CEP192: variants seen among roughly 807,000 people sequenced by gnomAD.
CEP192 encodes centrosomal protein 192.
Under a neutral mutation model 271.8 loss-of-function variants are expected in CEP192, and 151 were observed. The observed-to-expected ratio is 0.56, with a 90% CI of 0.49 to 0.64. The LOEUF (loss-of-function observed/expected upper bound fraction) is 0.64, where lower values mean the gene tolerates loss of function less well. CEP192 is among the 30% of genes least tolerant of loss of function. The pLI is 0.00. For missense variants in CEP192, 2,910 were observed against 3,020.5 expected, an observed-to-expected ratio of 0.96 and a Z score of 0.86; for synonymous variants, 995 against 1,076.5, an observed-to-expected ratio of 0.92 and a Z score of 1.48.
Position 13,053,065 on chromosome 18 carries a change from C to T in CEP192, c.3164C>T (p.Thr1055Ile), listed in dbSNP as rs2036887370. ...EPESSYPTTA[T>I]DDALEDRKSD... ...GAGAGCTCCTATCCTACCACAGCCA[C>T]AGATGATGCCCTGGAGGACCGCAAG... The change falls in exon 18 of 45, where the codon ACA (threonine) becomes ATA (isoleucine). Residue 1055 changes from threonine (T) to isoleucine (I), a missense_variant. Coordinates refer to ENST00000506447, the MANE Select transcript of CEP192 (RefSeq NM_032142.4). 2 of 1,611,522 alleles carry T rather than the reference C, an allele frequency of 1.2e-6. No homozygotes were observed. Among genetic ancestry groups the T allele is most frequent in the Non-Finnish European group, 1.7e-6 (2 of 1,178,756 alleles).
chr18:13,012,268 A>C (rs2034405593), intron 4 of CEP192, among the ~76,000 whole-genome samples: 2 of 152,208 alleles, frequency 1.3e-5, no homozygotes, highest in Non-Finnish European at 2.9e-5. Context: ...TGTATACCTT[A>C]AAAGAGTGAA....
intron 40 of CEP192, among the ~76,000 whole-genome samples, chr18:13,110,078 A>T (rs1229593431): frequency 1.3e-5 from 2 of 152,218 alleles, no homozygotes; most frequent in Non-Finnish European, 2.9e-5. Flanking sequence ...CTGCAAAAAA[A>T]TTGCACCAAA....
Position 13,117,609 on chromosome 18 carries a change from CCATTCTATGT to C in CEP192, c.7444_7453del (p.Phe2482AsnfsTer7). On this transcript the variant is annotated frameshift_variant, in exon 44 of 45. Transcript: ENST00000506447. LOFTEE classifies it high-confidence loss of function. ...GCTGAAGTTTTTGAGTCCCAGAGAG[CCATTCTATGT>C]CAAACATTCCAAGTACTCTTTGAGG... 6.2e-7 allele frequency: 1 copy of C among 1,612,330 alleles called. No individual in the cohort carries two copies. Among genetic ancestry groups the C allele is most frequent in the Non-Finnish European group, 8.5e-7 (1 of 1,178,538 alleles).
chr18:13,048,966 A>G lies in CEP192; in HGVS notation c.2175A>G (p.Ala725=), dbSNP rs753225423. The G allele has an allele frequency of 6.2e-6, 10 of 1,614,106 alleles. No individual in the cohort carries two copies. In the South Asian group the frequency reaches 9.9e-5, roughly 16 times the overall value. The change falls in exon 16 of 45, where the codon GCA becomes GCG. Residue 725 remains alanine, a synonymous_variant. Coordinates refer to ENST00000506447, the MANE Select transcript of CEP192 (RefSeq NM_032142.4). The part of the protein sequence containing the change: ...ISTIASAIAE[A]SVNTDPSQLA... Reference sequence around the variant, plus strand: ...CCATTGCTTCAGCCATTGCAGAGGCATCAGTTAATACTGATCCTTCCCAAC... The same window carrying G: ...CCATTGCTTCAGCCATTGCAGAGGCGTCAGTTAATACTGATCCTTCCCAAC...
Position 13,056,409 on chromosome 18 carries a change from A to C in CEP192, c.3819A>C (p.Gly1273=). ...ATTTGGGAACACTCCCTTCAACTGG[A>C]AGCACCACCTTGCCTCAGTGCCATG... The part of the protein sequence containing the change: ...QRYLGTLPST[G]STTLPQCHAG... The change falls in exon 19 of 45, where the codon GGA becomes GGC. Residue 1273 remains glycine (G), a synonymous_variant. Coordinates refer to ENST00000506447, the MANE Select transcript of CEP192 (RefSeq NM_032142.4). The C allele has an allele frequency of 6.2e-7, 1 of 1,614,172 alleles. No individual in the cohort carries two copies. The highest frequency in any genetic ancestry group is 8.5e-7 in the Non-Finnish European group (1 of 1,180,014).
rs2038097766 is a variant in CEP192, at chr18:13,073,068, C to T, written c.5499C>T (p.His1833=). 2 of 1,613,616 alleles carry T rather than the reference C, an allele frequency of 1.2e-6. No individual in the cohort carries two copies. Among genetic ancestry groups the T allele is most frequent in the African/African-American group, 1.3e-5 (1 of 74,918 alleles). The part of the protein sequence containing the change: ...RLTSNCEIRI[H]PKEDIFISVL... ...CCAGTAACTGTGAGATCAGAATTCA[C>T]CCAAAGGAAGACATTTTCATCTCTG... is the stretch of plus-strand genomic sequence containing the variant. Residue 1833 remains histidine (H), a synonymous_variant, in exon 30 of 45, where the codon CAC becomes CAT. Coordinates refer to ENST00000506447, the MANE Select transcript of CEP192 (RefSeq NM_032142.4).
chr18:13,051,844 A>G (rs370605159), intron 17 of CEP192, among the ~76,000 whole-genome samples: 2 of 152,208 alleles, frequency 1.3e-5, no homozygotes, highest in South Asian at 4.1e-4. Context: ...CACCCAGCCA[A>G]TTTGGGACTT....
chr18:13,063,569 A>AT (rs367576448), intron 21 of CEP192, among the ~76,000 whole-genome samples: 22 of 152,110 alleles, frequency 1.4e-4, no homozygotes, highest in Admixed American at 6.5e-5. Context: ...GGATTATTAG[A>AT]TTTTTTCCCA....
At chr18:13,083,130 T>C (rs1209923515) in intron 30 of CEP192, among the ~76,000 whole-genome samples, 1 of 152,228 alleles carries the variant, frequency 6.6e-6, no homozygotes, top group Non-Finnish European at 1.5e-5. Context: ...AGTATCTTTG[T>C]GGTGTTCTCT....
intron 11 of CEP192, among the ~76,000 whole-genome samples, chr18:13,034,357 C>A (rs968996995): frequency 6.6e-6 from 1 of 151,596 alleles, no homozygotes; most frequent in Admixed American, 6.6e-5. Flanking sequence ...GAAATGGGAG[C>A]CTTTTTACTG....
In CEP192 at chr18:13,055,955, C is replaced by T; in HGVS notation, c.3365C>T (p.Ser1122Phe). 6.2e-7 allele frequency: 1 copy of T among 1,614,212 alleles called. No individual in the cohort carries two copies. The highest frequency in any genetic ancestry group is 8.5e-7 in the Non-Finnish European group (1 of 1,180,032). Residue 1122 changes from serine to phenylalanine, a missense_variant, in exon 19 of 45, where the codon TCT becomes TTT. Coordinates refer to ENST00000506447, the MANE Select transcript of CEP192 (RefSeq NM_032142.4). ...ACAAGAAAAGCAACTGAAACTACTT[C>T]TCTGAGTAGCAAGCCTGAATATGTA... ...SDTRKATETTSLSSKPEYVKP... is the reference protein window; with the variant it reads ...SDTRKATETTFLSSKPEYVKP...
Position 13,049,561 on chromosome 18 carries a change from T to A in CEP192, c.2770T>A (p.Cys924Ser). The A allele has an allele frequency of 6.2e-7, 1 of 1,614,000 alleles. No homozygotes were observed. The change falls in exon 16 of 45, where the codon TGT becomes AGT. Residue 924 changes from cysteine to serine, a missense_variant. Physicochemically the swap from Cys to Ser is moderately radical, Grantham distance 112. Coordinates refer to ENST00000506447, the MANE Select transcript of CEP192 (RefSeq NM_032142.4). ...AACATCCCTTTGTCTGTTAAAAGAC[T>A]GTGAAGAAATACGAGATAACAGAGA... ...RITSLCLLKD[C>S]EEIRDNRENQ...
chr18:13,068,747 C>G, intron 24 of CEP192, 105 bp from the exon 25 acceptor site: 1 of 1,201,474 alleles, frequency 8.3e-7, no homozygotes, highest in Non-Finnish European at 1.2e-6. Flanking sequence ...ATCTGCTTGC[C>G]TAAATTTTCT....
At chr18:13,018,669 T>G (rs1394552171) in intron 8 of CEP192, 54 bp downstream of exon 8, 8 of 1,218,620 alleles carry the variant, frequency 6.6e-6, no homozygotes, top group Non-Finnish European at 8.8e-6. Flanking sequence ...TGACTTTACT[T>G]TTTTTAAAAA....
In CEP192 at chr18:13,045,189, A is replaced by T. The variant is rs192240128; in HGVS notation, c.2067+2855A>T. Among the ~76,000 whole-genome samples the T allele has an allele frequency of 4.5e-3, 685 of 151,930 alleles. 6 individuals are homozygous for T. Among genetic ancestry groups the T allele is most frequent in the African/African-American group, 0.016 (661 of 41,442 alleles). On this transcript the variant is annotated intron_variant, in intron 15 of 44. Transcript: ENST00000506447. ...TTTTGTTAATTTGACAATTTTATTT[A>T]TTCTCAATTCTGTTTGTCTTTCTAT...
At position 13,098,242 on chromosome 18, in the gene CEP192, C is replaced by T. The variant is rs568013330; in HGVS notation, c.6558-1234C>T. Among the ~76,000 whole-genome samples the T allele has an allele frequency of 2.5e-3, 378 of 150,378 alleles. 2 individuals are homozygous for T. The highest frequency in any genetic ancestry group is 7.4e-3 in the South Asian group (35 of 4,718). ...GCGGCCGGGCAGAGGCACCCCTCAC[C>T]TCCCGGACGGGACGGCTGGCCAGGC... is the stretch of plus-strand genomic sequence containing the variant. On this transcript the variant is annotated intron_variant, in intron 36 of 44. Transcript: ENST00000506447.
chr18:13,005,570 A>G (rs2145841812), intron 3 of CEP192, among the ~76,000 whole-genome samples: 1 of 152,284 alleles, frequency 6.6e-6, no homozygotes, highest in African/African-American at 2.4e-5. Context: ...GTCCTTGTTG[A>G]TGGAAGACAG....
chr18:13,123,475 T>G (rs987522068), intron 44 of CEP192, among the ~76,000 whole-genome samples: 2 of 152,212 alleles, frequency 1.3e-5, no homozygotes, highest in African/African-American at 4.8e-5. Flanking sequence ...GGTGTACTCT[T>G]GTGCACCCAA....
chr18:13,093,934 C>T (rs991644452), intron 34 of CEP192, among the ~76,000 whole-genome samples: 1 of 152,182 alleles, frequency 6.6e-6, no homozygotes, highest in Non-Finnish European at 1.5e-5. Context: ...TTTTCTTGAG[C>T]ATTCCCTGGT....
Sources: gnomAD v4.1 joint callset for allele counts (sites outside exome capture counted in the v4.1 genomes callset) on GRCh38, gnomAD v4.1.1 for gene constraint, MANE v1.5 for transcripts, NCBI Gene and HGNC (gene_info 2026-07-23, HGNC 2026-07-21) for gene names.